The following SEMA6B variants were observed in gnomAD, a reference collection of about 807,000 sequenced individuals.
The protein encoded by SEMA6B is semaphorin-6B.
SEMA6B carries 47 observed loss-of-function variants against 78.6 expected under a neutral mutation model. The observed-to-expected ratio is 0.60, with a 90% CI of 0.47 to 0.76. The LOEUF (loss-of-function observed/expected upper bound fraction) is 0.76, where lower values mean the gene tolerates loss of function less well. Ranked by LOEUF, SEMA6B falls within the 30% of genes least tolerant of loss-of-function variation. The probability of loss-of-function intolerance (pLI) is 0.00; values close to 1 mark genes in which losing one functional copy is unlikely to be tolerated. For missense variants in SEMA6B, 1,213 were observed against 1,269.9 expected (o/e 0.96, Z 0.68); for synonymous variants, 632 against 592.2 (o/e 1.07, Z -0.98).
At position 4,555,037 on chromosome 19, in the gene SEMA6B, G is replaced by A. The variant is rs1977430936; in HGVS notation, c.621C>T (p.Tyr207=). Residue 207 remains tyrosine, a synonymous_variant, in exon 8 of 17, where the codon TAC becomes TAT. Coordinates refer to ENST00000586582, the MANE Select transcript of SEMA6B (RefSeq NM_032108.4). The surrounding 1 kb of genome is among the most constrained non-coding windows in gnomAD (Gnocchi z 6.1). ...GGGTGGGCCTGTCCCCGAGGCTGCG[G>A]TAGATGACAGCATCAATGGCTAGGA... ...TDFLAIDAVI[Y]RSLGDRPTLR... 1 of 1,614,026 alleles carries A rather than the reference G, an allele frequency of 6.2e-7. No individual in the cohort carries two copies. The highest frequency in any genetic ancestry group is 1.3e-5 in the African/African-American group (1 of 75,030).
chr19:4,552,894 C>T lies in SEMA6B; in HGVS notation c.772-255G>A, dbSNP rs1051934687. ...TCCACGAAGACCCACATTTTATTCT[C>T]ACATCTCTTACACTCTTCCCGAGGG... On this transcript the variant is annotated intron_variant, in intron 9 of 16. Transcript: ENST00000586582. The surrounding 1 kb of genome is among the most constrained non-coding windows in gnomAD (Gnocchi z 7.4). Among the ~76,000 whole-genome samples the T allele has an allele frequency of 2.0e-5, 3 of 152,228 alleles. No homozygotes were observed. The highest frequency in any genetic ancestry group is 6.5e-5 in the Admixed American group (1 of 15,278).
rs538200348 is a variant in SEMA6B at position 4,550,058 on chromosome 19, T to G, written c.1271+65A>C. 78 of 1,536,588 alleles carry G rather than the reference T, an allele frequency of 5.1e-5. No homozygotes were observed. In the African/African-American group the frequency reaches 8.8e-4, roughly 17 times the overall value. ...GGCTCATCTGTGTTGAGCATCTGGA[T>G]CCTCTCACCCTCCATCTACCCCATC... On this transcript the variant is annotated intron_variant, in intron 12 of 16. Coordinates refer to ENST00000586582, the MANE Select transcript of SEMA6B (RefSeq NM_032108.4). This position sits in a 1 kb window ranked among gnomAD's most constrained non-coding sequence, Gnocchi z 6.6.
rs970318171 is a variant in SEMA6B at position 4,550,451 on chromosome 19, C to T, written c.1122-179G>A. Among the ~76,000 whole-genome samples the T allele has an allele frequency of 6.6e-6, 1 of 152,090 alleles. No individual in the cohort carries two copies. The highest frequency in any genetic ancestry group is 1.5e-5 in the Non-Finnish European group (1 of 68,004). ...GTGCTTTGGCTCACTGCAACCTCCACCTCCTGGGTTCAAGCGATTCTCCTG... is the reference window on the plus strand; with the variant it reads ...GTGCTTTGGCTCACTGCAACCTCCATCTCCTGGGTTCAAGCGATTCTCCTG... On this transcript the variant is annotated intron_variant, in intron 11 of 16. Transcript: ENST00000586582. The surrounding 1 kb of genome is among the most constrained non-coding windows in gnomAD (Gnocchi z 6.6).
chr19:4,558,009 G>C lies in SEMA6B; in HGVS notation c.245+17C>G. 7.2e-7 allele frequency: 1 copy of C among 1,380,102 alleles called. No homozygotes were observed. Among genetic ancestry groups the C allele is most frequent in the South Asian group, 1.7e-5 (1 of 57,960 alleles). 85.5% of individuals were successfully genotyped at this position (1,380,102 alleles called of 1,614,324 possible). On this transcript the variant is annotated intron_variant, in intron 3 of 16. Transcript: ENST00000586582. The surrounding 1 kb of genome is among the most constrained non-coding windows in gnomAD (Gnocchi z 5.1). ...TTCTGCTCGTCACACAGGCCTCCTT[G>C]CTGTCCCCAGCAATACCTGTCCCCA...
intron 12 of SEMA6B, among the ~76,000 whole-genome samples, chr19:4,549,713 C>T (rs1022817403): frequency 1.3e-5 from 2 of 152,070 alleles, no homozygotes; most frequent in East Asian, 1.9e-4. Context: ...CTCCTGGCCT[C>T]GTGATCCGCC....
rs1407637261 is a variant in SEMA6B, at chr19:4,543,694, G to A, written c.2574C>T (p.Asp858=). ...TFNSGEARPG[D]RHRGCHARPG... ...GCCGGGCGTGGCAGCCGCGGTGGCGGTCCCCAGGCCGGGCCTCGCCGCTGT... is the reference window on the plus strand; with the variant it reads ...GCCGGGCGTGGCAGCCGCGGTGGCGATCCCCAGGCCGGGCCTCGCCGCTGT... The change falls in exon 17 of 17, where the codon GAC becomes GAT. Residue 858 remains aspartate (D), a synonymous_variant. Coordinates refer to ENST00000586582, the MANE Select transcript of SEMA6B (RefSeq NM_032108.4). 2.4e-6 allele frequency: 3 copies of A among 1,230,106 alleles called. No homozygotes were observed. The highest frequency in any genetic ancestry group is 3.0e-6 in the Non-Finnish European group (3 of 986,954). The allele number at this position is 1,230,106 out of a possible 1,614,324, so 76.2% of individuals were successfully genotyped here. A position where few individuals can be genotyped will look rare whatever the true frequency, so the allele number is the denominator to read the frequency against.
chr19:4,557,258 C>A, intron 3 of SEMA6B, 35 bp from the exon 4 acceptor site: 1 of 1,503,468 alleles, frequency 6.7e-7, no homozygotes, highest in Non-Finnish European at 9.0e-7. Flanking sequence ...GAACTGGGGG[C>A]TCCGCCACCC....
intron 12 of SEMA6B, among the ~76,000 whole-genome samples, chr19:4,549,299 C>CTTTTTTTT (rs55771429): frequency 1.0e-5 from 1 of 98,594 alleles, no homozygotes; most frequent in Non-Finnish European, 1.9e-5. Flanking sequence ...CTGTCTACCT[C>CTTTTTTTT]TTTTTTTTTT....
Position 4,543,809 on chromosome 19 carries a change from G to A in SEMA6B, c.2459C>T (p.Pro820Leu), listed in dbSNP as rs1436882003. The change falls in exon 17 of 17, where the codon CCC (proline) becomes CTC (leucine). Residue 820 changes from proline (P) to leucine (L), a missense_variant. Pro to Leu is a moderately conservative substitution (Grantham distance 98, BLOSUM62 -3). Transcript: ENST00000586582. ...GCTGCCCGTCGGGGGCGGGCTCCAG[G>A]GCCGCGGGAGGCCATCGGCGGCTGA... ...PASAADGLPR[P>L]WSPPPTGSLR... The A allele has an allele frequency of 1.6e-6, 2 of 1,216,786 alleles. No individual in the cohort carries two copies. The highest frequency in any genetic ancestry group is 2.0e-6 in the Non-Finnish European group (2 of 978,734). 75.4% of individuals were successfully genotyped at this position (1,216,786 alleles called of 1,614,324 possible).
In SEMA6B at chr19:4,543,812, C is replaced by T. The variant is rs1490100588; in HGVS notation, c.2456G>A (p.Arg819Gln). 2 of 1,216,980 alleles carry T rather than the reference C, an allele frequency of 1.6e-6. No homozygotes were observed. The highest frequency in any genetic ancestry group is 3.3e-5 in the East Asian group (1 of 30,420). 75.4% of individuals were successfully genotyped at this position (1,216,980 alleles called of 1,614,324 possible). ...DPASAADGLP[R>Q]PWSPPPTGSL... ...GCCCGTCGGGGGCGGGCTCCAGGGC[C>T]GCGGGAGGCCATCGGCGGCTGAGGC... Residue 819 changes from arginine (R) to glutamine (Q), a missense_variant, in exon 17 of 17, where the codon CGG (arginine) becomes CAG (glutamine). Physicochemically the swap from Arg to Gln is conservative, Grantham distance 43. Transcript: ENST00000586582.
chr19:4,544,364 T>C lies in SEMA6B; in HGVS notation c.1904A>G (p.Asp635Gly). Reference sequence around the variant, plus strand: ...CCCGTGCGCCAGGATGGCCTCCTTGTCCTTGCGCCGGGCCAGCTCCCGCCG... The same window carrying C: ...CCCGTGCGCCAGGATGGCCTCCTTGCCCTTGCGCCGGGCCAGCTCCCGCCG... ...RERRELARRK[D>G]KEAILAHGAG... The change falls in exon 17 of 17, where the codon GAC becomes GGC. Residue 635 changes from aspartate to glycine, a missense_variant. Transcript: ENST00000586582. The surrounding 1 kb of genome is among the most constrained non-coding windows in gnomAD (Gnocchi z 5.1). 3.2e-6 allele frequency: 5 copies of C among 1,576,870 alleles called. No homozygotes were observed. The highest frequency in any genetic ancestry group is 4.3e-6 in the Non-Finnish European group (5 of 1,165,110).
At position 4,543,059 on chromosome 19, in the gene SEMA6B, C is replaced by A. The variant is rs922178868; in HGVS notation, c.*542G>T. 1.5e-6 allele frequency: 1 copy of A among 652,578 alleles called. No individual in the cohort carries two copies. The highest frequency in any genetic ancestry group is 1.8e-5 in the African/African-American group (1 of 56,006). 40.4% of individuals were successfully genotyped at this position (652,578 alleles called of 1,614,324 possible). On this transcript the variant is annotated 3_prime_UTR_variant, in exon 17 of 17. Coordinates refer to ENST00000586582, the MANE Select transcript of SEMA6B (RefSeq NM_032108.4). ...CGCGTGGCCCACTTGACACACACGC[C>A]CACAGCAGCCTTCGCTGGCACGCAC...
At chr19:4,547,715 A>G (rs1407304545) in intron 14 of SEMA6B, among the ~76,000 whole-genome samples, 1 of 152,054 alleles carries the variant, frequency 6.6e-6, no homozygotes, top group Non-Finnish European at 1.5e-5. Context: ...CATCTCCTTC[A>G]AGGTCAAAGC....
chr19:4,553,950 T>C (rs1977405311), intron 9 of SEMA6B, among the ~76,000 whole-genome samples: 1 of 151,634 alleles, frequency 6.6e-6, no homozygotes, highest in Non-Finnish European at 1.5e-5. Context: ...GATGGATGAG[T>C]GCACGGATGG....
intron 12 of SEMA6B, among the ~76,000 whole-genome samples, chr19:4,549,802 G>A (rs971082762): frequency 1.3e-5 from 2 of 151,550 alleles, no homozygotes; most frequent in Non-Finnish European, 1.5e-5. Context: ...AAGTAGAGAC[G>A]AGGTTTCTCC....
At position 4,542,904 on chromosome 19, in the gene SEMA6B, T is replaced by G. The variant is rs866636165; in HGVS notation, c.*697A>C. 1 of 699,158 alleles carries G rather than the reference T, an allele frequency of 1.4e-6. No individual in the cohort carries two copies. Among genetic ancestry groups the G allele is most frequent in the Non-Finnish European group, 2.6e-6 (1 of 384,230 alleles). 43.3% of individuals were successfully genotyped at this position (699,158 alleles called of 1,614,324 possible). Reference sequence around the variant, plus strand: ...ATTGTCCCCGCTTCCCTCTGCAGAGTGGGGGGGGTTCAAACTCCTAACCGG... The same window carrying G: ...ATTGTCCCCGCTTCCCTCTGCAGAGGGGGGGGGGTTCAAACTCCTAACCGG... On this transcript the variant is annotated 3_prime_UTR_variant, in exon 17 of 17. Transcript: ENST00000586582.
chr19:4,555,344 G>A lies in SEMA6B; in HGVS notation c.562+130C>T. Reference sequence around the variant, plus strand: ...GCTGAGCCCCAAACCTGGGCTGAGAGTCTGCCCATGTCACAGCTGGGACAA... The same window carrying A: ...GCTGAGCCCCAAACCTGGGCTGAGAATCTGCCCATGTCACAGCTGGGACAA... On this transcript the variant is annotated intron_variant, in intron 7 of 16. Transcript: ENST00000586582. The surrounding 1 kb of genome is among the most constrained non-coding windows in gnomAD (Gnocchi z 6.1). The A allele has an allele frequency of 3.4e-6, 3 of 873,160 alleles. No individual in the cohort carries two copies. Among genetic ancestry groups the A allele is most frequent in the South Asian group, 3.5e-5 (2 of 57,908 alleles). The allele number at this position is 873,160 out of a possible 1,614,324, so 54.1% of individuals were successfully genotyped here.
In SEMA6B at chr19:4,544,623, A is replaced by T; in HGVS notation, c.1739-94T>A. 1 of 632,134 alleles carries T rather than the reference A, an allele frequency of 1.6e-6. No individual in the cohort carries two copies. The allele number at this position is 632,134 out of a possible 1,614,324, so 39.2% of individuals were successfully genotyped here. ...GGGGCCCTCTGTCCTCTTTTTTATT[A>T]TTTTTATTTTTTTTTATTTATTTAT... On this transcript the variant is annotated intron_variant, in intron 16 of 16. Transcript: ENST00000586582. This position sits in a 1 kb window ranked among gnomAD's most constrained non-coding sequence, Gnocchi z 5.1.
intron 12 of SEMA6B, among the ~76,000 whole-genome samples, chr19:4,549,138 G>T (rs889260429): frequency 2.0e-5 from 3 of 151,448 alleles, no homozygotes; most frequent in Admixed American, 6.6e-5. Flanking sequence ...GCTTTCTCCT[G>T]ATATGTATGT....
Sources: allele counts gnomAD v4.1 joint callset (sites outside exome capture counted in the v4.1 genomes callset), GRCh38; gene constraint gnomAD v4.1.1; non-coding constraint Gnocchi (gnomAD v3.1); transcripts MANE v1.5; gene names NCBI Gene and HGNC (gene_info 2026-07-23, HGNC 2026-07-21).